VPS13B: variants seen among roughly 807,000 people sequenced by gnomAD.
VPS13B encodes vacuolar protein sorting 13 homolog B.
Under a neutral mutation model 426.4 loss-of-function variants are expected in VPS13B, and 285 were observed. The ratio of observed to expected loss-of-function variants is 0.67; its 90% CI spans 0.61 to 0.74. VPS13B has a LOEUF of 0.74. VPS13B is among the 30% of genes least tolerant of loss of function. The probability of loss-of-function intolerance (pLI) is 0.00; values close to 1 mark genes in which losing one functional copy is unlikely to be tolerated. For missense variants in VPS13B, 4,537 were observed against 4,782.6 expected (o/e 0.95, Z 1.51); for synonymous variants, 1,676 against 1,676.4 (o/e 1.00, Z 0.01).
Position 99,035,376 on chromosome 8 carries a change from A to C in VPS13B, c.148-3047A>C, listed in dbSNP as rs989883883. On this transcript the variant is annotated intron_variant, in intron 2 of 61. Coordinates refer to ENST00000357162, the MANE Select transcript of VPS13B (RefSeq NM_152564.5). ...TTGACAACCACCAGTCTACTTTCTA[A>C]GAGTCTGACAATGTTAGATACCTTA... 3.9e-5 allele frequency among the ~76,000 whole-genome samples: 6 copies of C among 152,246 alleles called. No individual in the cohort carries two copies. The East Asian group carries it at 1.2e-3, about 29-fold the overall frequency.
At chr8:99,271,813 C>G (rs1818624598) in intron 17 of VPS13B, among the ~76,000 whole-genome samples, 3 of 152,192 alleles carry the variant, frequency 2.0e-5, no homozygotes, top group Non-Finnish European at 4.4e-5. Context: ...ATCATGAGAA[C>G]AGCATGAGGG....
At chr8:99,575,816 T>C in intron 32 of VPS13B, 32 bp downstream of exon 32, 2 of 1,602,138 alleles carry the variant, frequency 1.2e-6, no homozygotes, top group Middle Eastern at 1.7e-4. Flanking sequence ...TATTTTAGTC[T>C]AAATAATGGA....
chr8:99,702,148 A>G (rs1445002724), intron 36 of VPS13B, among the ~76,000 whole-genome samples: 1 of 152,166 alleles, frequency 6.6e-6, no homozygotes, highest in Non-Finnish European at 1.5e-5. Context: ...ACCAAAAAGC[A>G]AATATACTCA....
intron 7 of VPS13B, among the ~76,000 whole-genome samples, chr8:99,118,251 A>G (rs1847769214): frequency 6.6e-6 from 1 of 152,194 alleles, no homozygotes; most frequent in Admixed American, 6.5e-5. Flanking sequence ...GCTTCATCAC[A>G]TATTGGTTCA....
At chr8:99,049,651 G>T (rs910659681) in intron 3 of VPS13B, among the ~76,000 whole-genome samples, 1 of 151,896 alleles carries the variant, frequency 6.6e-6, no homozygotes, top group African/African-American at 2.4e-5. Context: ...GTGCCTAGGC[G>T]ATGATCTTTT....
chr8:99,155,956 G>C (rs1054289020), intron 14 of VPS13B, among the ~76,000 whole-genome samples: 1 of 152,098 alleles, frequency 6.6e-6, no homozygotes, highest in South Asian at 2.1e-4. Flanking sequence ...AAACTTACCT[G>C]TATTTATTTG....
chr8:99,609,293 A>T (rs1483613860), intron 33 of VPS13B, among the ~76,000 whole-genome samples: 1 of 152,240 alleles, frequency 6.6e-6, no homozygotes, highest in Non-Finnish European at 1.5e-5. Flanking sequence ...TTATTACACA[A>T]TATCAAAATT....
chr8:99,135,930 T>G (rs1207993015), intron 11 of VPS13B, among the ~76,000 whole-genome samples, 197 bp downstream of exon 11: 1 of 152,108 alleles, frequency 6.6e-6, no homozygotes, highest in Non-Finnish European at 1.5e-5. Flanking sequence ...ATTGAATATG[T>G]AAACATATTT....
At chr8:99,308,809 T>C (rs948595796) in intron 19 of VPS13B, among the ~76,000 whole-genome samples, 30 of 152,154 alleles carry the variant, frequency 2.0e-4, no homozygotes, top group Non-Finnish European at 3.5e-4. Context: ...AGTGTAAAAG[T>C]GTTCCTATTT....
Position 99,875,008 on chromosome 8 carries a change from CAG to C in VPS13B, c.11746-407_11746-406del, listed in dbSNP as rs563043638. The C allele has an allele frequency of 7.8e-4, 199 of 254,888 alleles. 1 individual carries two copies. The highest frequency in any genetic ancestry group is 6.0e-3 in the Middle Eastern group (4 of 666). 15.8% of individuals were successfully genotyped at this position (254,888 alleles called of 1,614,324 possible). A position where few individuals can be genotyped will look rare whatever the true frequency, so the allele number is the denominator to read the frequency against. ...GAAGAGGTTTGGGGAGCTAGGCAAA[CAG>C]AGCTTTTATTTCAGTGCTGAGTTTA... On this transcript the variant is annotated intron_variant, in intron 61 of 61. Coordinates refer to ENST00000357162, the MANE Select transcript of VPS13B (RefSeq NM_152564.5).
chr8:99,071,419 A>G (rs1186203075), intron 3 of VPS13B, among the ~76,000 whole-genome samples: 1 of 152,148 alleles, frequency 6.6e-6, no homozygotes, highest in East Asian at 1.9e-4. Context: ...CAGGCAGAGA[A>G]TACCCTGGAT....
chr8:99,230,520 T>C (rs999886871), intron 17 of VPS13B, among the ~76,000 whole-genome samples: 4 of 152,238 alleles, frequency 2.6e-5, no homozygotes, highest in Admixed American at 2.6e-4. Flanking sequence ...TTAAGATTTA[T>C]AATTGTTTAT....
chr8:99,820,583 A>C (rs1186682974), intron 49 of VPS13B, among the ~76,000 whole-genome samples: 1 of 152,178 alleles, frequency 6.6e-6, no homozygotes, highest in Admixed American at 6.6e-5. Context: ...GTTCATAATT[A>C]TGGATGTCTA....
intron 15 of VPS13B, among the ~76,000 whole-genome samples, chr8:99,158,347 A>G (rs539572867): frequency 1.3e-5 from 2 of 152,250 alleles, no homozygotes; most frequent in East Asian, 3.9e-4. Flanking sequence ...CCTGGCCAAC[A>G]TGGTGAAACC....
At chr8:99,051,469 C>T (rs1843549013) in intron 3 of VPS13B, among the ~76,000 whole-genome samples, 3 of 151,738 alleles carry the variant, frequency 2.0e-5, no homozygotes, top group Non-Finnish European at 2.9e-5. Context: ...AGCATGATGC[C>T]TCCAGCTTTG....
intron 24 of VPS13B, among the ~76,000 whole-genome samples, chr8:99,481,218 A>C (rs1361468790): frequency 2.0e-5 from 3 of 152,222 alleles, no homozygotes. Flanking sequence ...GGAAATTAAG[A>C]TGGTAGTTAT....
chr8:99,769,871 A>G (rs1306299915), intron 40 of VPS13B, among the ~76,000 whole-genome samples: 2 of 152,168 alleles, frequency 1.3e-5, no homozygotes, highest in African/African-American at 4.8e-5. Flanking sequence ...AATAGAGTCA[A>G]TAATTGGGTG....
chr8:99,223,812 C>A (rs1815865006), intron 17 of VPS13B, among the ~76,000 whole-genome samples: 1 of 152,004 alleles, frequency 6.6e-6, no homozygotes, highest in Admixed American at 6.5e-5. Context: ...TTAAAGGGAA[C>A]ATTATTGTCA....
At chr8:99,505,810 A>G (rs1233385727) in intron 27 of VPS13B, among the ~76,000 whole-genome samples, 3 of 152,164 alleles carry the variant, frequency 2.0e-5, no homozygotes, top group African/African-American at 2.4e-5. Context: ...TATCTGCACT[A>G]TGCAATAAAG....
Sources: allele counts gnomAD v4.1 joint callset (sites outside exome capture counted in the v4.1 genomes callset), GRCh38; gene constraint gnomAD v4.1.1; transcripts MANE v1.5; gene names NCBI Gene and HGNC (gene_info 2026-07-23, HGNC 2026-07-21).